The following TENT2 variants were observed in gnomAD, a reference collection of about 807,000 sequenced individuals.
TENT2 encodes the protein poly(A) RNA polymerase GLD2.
TENT2 carries 44 observed loss-of-function variants against 72.2 expected under a neutral mutation model. The observed-to-expected ratio is 0.61, with a 90% CI of 0.48 to 0.78. The LOEUF (loss-of-function observed/expected upper bound fraction) is 0.78, where lower values mean the gene tolerates loss of function less well. Among genes scored for constraint, TENT2 ranks in the 30% least tolerant of loss-of-function variants. The pLI, the probability that TENT2 is intolerant of heterozygous loss-of-function variation, is 0.00. For missense variants in TENT2, 541 were observed against 569.6 expected (o/e 0.95, Z 0.51); for synonymous variants, 212 against 192.5 (o/e 1.10, Z -0.84).
Position 79,638,408 on chromosome 5 carries a change from C to T in TENT2, c.466-2443C>T, listed in dbSNP as rs143859181. On this transcript the variant is annotated intron_variant, in intron 4 of 14. Transcript: ENST00000453514. ...CACCTTTCCTTTTCTCCTGATGGCT[C>T]TGTACTGTGCAGTTTAGGTTTCTCT... Among the ~76,000 whole-genome samples, 453 of 152,210 alleles carry T rather than the reference C, an allele frequency of 3.0e-3. 9 individuals carry two copies. Among genetic ancestry groups the T allele is most frequent in the Non-Finnish European group, 1.4e-3 (95 of 68,016 alleles).
At position 79,616,189 on chromosome 5, in the gene TENT2, A is replaced by ATT. The variant is rs1229523040; in HGVS notation, c.-38+3139_-38+3140dup. On this transcript the variant is annotated intron_variant, in intron 1 of 14. Transcript: ENST00000453514. ...GGCATGAGCCATTGCACCCGGCCTA[A>ATT]TTTTTTTTTTTTTTTTTTTTTTTTT... 2.3e-3 allele frequency among the ~76,000 whole-genome samples: 203 copies of ATT among 88,116 alleles called. 3 individuals are homozygous for ATT. The highest frequency in any genetic ancestry group is 3.1e-3 in the Non-Finnish European group (146 of 47,790). The allele number at this position is 88,116 out of a possible 152,430, so 57.8% of individuals were successfully genotyped here. A position where few individuals can be genotyped will look rare whatever the true frequency, so the allele number is the denominator to read the frequency against.
intron 11 of TENT2, among the ~76,000 whole-genome samples, chr5:79,667,945 T>A (rs76308839): frequency 2.7e-4 from 41 of 150,124 alleles, no homozygotes; most frequent in East Asian, 7.8e-4. Flanking sequence ...TTTTTTTTTT[T>A]AACGAAAAAA....
Position 79,619,647 on chromosome 5 carries a change from G to T in TENT2, c.-2G>T. 1 of 1,609,258 alleles carries T rather than the reference G, an allele frequency of 6.2e-7. No homozygotes were observed. Among genetic ancestry groups the T allele is most frequent in the South Asian group, 1.1e-5 (1 of 90,926 alleles). ...ACATGTTCACTTCCAGTGAACAAGAGCATGTTCCCAAACTCAATTTTGGGT... is the reference window on the plus strand; with the variant it reads ...ACATGTTCACTTCCAGTGAACAAGATCATGTTCCCAAACTCAATTTTGGGT... On this transcript the variant is annotated 5_prime_UTR_variant, in exon 2 of 15. Transcript: ENST00000453514.
intron 10 of TENT2, among the ~76,000 whole-genome samples, chr5:79,656,439 G>A (rs1413045821): frequency 6.6e-6 from 1 of 151,340 alleles, no homozygotes; most frequent in Non-Finnish European, 1.5e-5. Context: ...GATTTTTTTT[G>A]TTGTTATTTG....
At chr5:79,636,156 C>T (rs1401332649) in intron 4 of TENT2, among the ~76,000 whole-genome samples, 1 of 152,122 alleles carries the variant, frequency 6.6e-6, no homozygotes, top group East Asian at 1.9e-4. Context: ...TTATGTTAGC[C>T]ACTTTTACTG....
chr5:79,661,018 A>G (rs1802445032), intron 11 of TENT2, among the ~76,000 whole-genome samples: 1 of 152,190 alleles, frequency 6.6e-6, no homozygotes. Context: ...TAAAATAGAG[A>G]AAATCTTATA....
chr5:79,660,306 G>T (rs570782616), intron 11 of TENT2, among the ~76,000 whole-genome samples: 41 of 152,224 alleles, frequency 2.7e-4, no homozygotes, highest in African/African-American at 9.4e-4. Context: ...TTGAATAAAT[G>T]AAGCTGAGAA....
At chr5:79,673,387 T>C (rs1814558845) in intron 12 of TENT2, among the ~76,000 whole-genome samples, 1 of 152,178 alleles carries the variant, frequency 6.6e-6, no homozygotes, top group Admixed American at 6.5e-5. Context: ...TCCTGGAGAG[T>C]TTCTCCAATG....
chr5:79,628,279 A>G (rs1772103930), intron 4 of TENT2, among the ~76,000 whole-genome samples: 1 of 152,214 alleles, frequency 6.6e-6, no homozygotes, highest in Non-Finnish European at 1.5e-5. Context: ...AAAGTGGGGC[A>G]GTGGTTTGAA....
chr5:79,675,066 G>A (rs914586807), intron 12 of TENT2, among the ~76,000 whole-genome samples: 4 of 152,160 alleles, frequency 2.6e-5, no homozygotes, highest in Non-Finnish European at 5.9e-5. Flanking sequence ...TATGGATAAT[G>A]TAACTCATTC....
At chr5:79,650,009 A>C (rs1792459388) in intron 10 of TENT2, among the ~76,000 whole-genome samples, 1 of 152,144 alleles carries the variant, frequency 6.6e-6, no homozygotes, top group African/African-American at 2.4e-5. Flanking sequence ...TGAGATGTTT[A>C]ATAACTAACC....
At chr5:79,651,232 G>T (rs1793742652) in intron 10 of TENT2, among the ~76,000 whole-genome samples, 1 of 151,634 alleles carries the variant, frequency 6.6e-6, no homozygotes, top group Non-Finnish European at 1.5e-5. Flanking sequence ...GTCAAGTTCA[G>T]GTCTTTTAAT....
chr5:79,668,670 T>C (rs1373887762), intron 11 of TENT2: 4 of 456,372 alleles, frequency 8.8e-6, no homozygotes, highest in East Asian at 3.4e-5. Flanking sequence ...CTGAGTGATA[T>C]ACTCAAGCCA....
At chr5:79,641,691 A>G (rs575599462) in intron 6 of TENT2, among the ~76,000 whole-genome samples, 1 of 150,008 alleles carries the variant, frequency 6.7e-6, no homozygotes, top group East Asian at 1.9e-4. Context: ...TTTCTCTATG[A>G]ATGACATTTT....
intron 4 of TENT2, among the ~76,000 whole-genome samples, chr5:79,633,956 A>G (rs918391163): frequency 1.4e-5 from 2 of 146,838 alleles, no homozygotes; most frequent in African/African-American, 5.0e-5. Context: ...GATCGAGACC[A>G]TCCTGGCTAA....
chr5:79,666,196 C>T (rs1391802580), intron 11 of TENT2, among the ~76,000 whole-genome samples: 4 of 151,676 alleles, frequency 2.6e-5, no homozygotes, highest in African/African-American at 4.9e-5. Flanking sequence ...ACCGTGTTGG[C>T]CAGGCTGGTC....
intron 3 of TENT2, among the ~76,000 whole-genome samples, chr5:79,622,429 CAAAT>C (rs1765842519): frequency 6.6e-6 from 1 of 152,144 alleles, no homozygotes; most frequent in South Asian, 2.1e-4. Context: ...TTTTTCCCAA[CAAAT>C]ACTTACTCTT....
At position 79,686,471 on chromosome 5, in the gene TENT2, A is replaced by G. The variant is rs1381027429; in HGVS notation, c.*1198A>G. The G allele has an allele frequency of 6.6e-6, 1 of 151,992 alleles. No individual in the cohort carries two copies. The highest frequency in any genetic ancestry group is 1.9e-4 in the East Asian group (1 of 5,196). The allele number at this position is 151,992 out of a possible 1,614,324, so 9.4% of individuals were successfully genotyped here. A position where few individuals can be genotyped will look rare whatever the true frequency, so the allele number is the denominator to read the frequency against. On this transcript the variant is annotated 3_prime_UTR_variant, in exon 15 of 15. Coordinates refer to ENST00000453514, the MANE Select transcript of TENT2 (RefSeq NM_001114394.3). Reference sequence around the variant, plus strand: ...CTTTTTCAAAAGAACTATGTCCAACATTTTTTAGACCTGCTGTAGTACAGT... The same window carrying G: ...CTTTTTCAAAAGAACTATGTCCAACGTTTTTTAGACCTGCTGTAGTACAGT...
intron 11 of TENT2, among the ~76,000 whole-genome samples, chr5:79,662,269 T>A (rs189732582): frequency 6.6e-6 from 1 of 152,344 alleles, no homozygotes; most frequent in East Asian, 1.9e-4. Flanking sequence ...TCCACTGAAG[T>A]CTTGAACCTC....
Sources: gnomAD v4.1 joint callset for allele counts (sites outside exome capture counted in the v4.1 genomes callset) on GRCh38, gnomAD v4.1.1 for gene constraint, MANE v1.5 for transcripts, NCBI Gene and HGNC (gene_info 2026-07-23, HGNC 2026-07-21) for gene names.